GLB1: variants seen among roughly 807,000 people sequenced by gnomAD.
GLB1 encodes the protein galactosidase beta 1.
In GLB1, 56 loss-of-function variants were observed where a neutral mutation model predicts 74.0. That is an observed-to-expected ratio of 0.76 (90% confidence interval 0.61 to 0.94). The LOEUF is 0.94. Ranked by LOEUF, GLB1 falls within the 40% of genes least tolerant of loss-of-function variation. GLB1 has a pLI of 0.00. For synonymous variants in GLB1, 323 were observed against 323.6 expected, an observed-to-expected ratio of 1.00 and a Z score of 0.02; for missense variants, 787 against 845.5, an observed-to-expected ratio of 0.93 and a Z score of 0.86.
At chr3:33,018,281 G>T (rs1697318081) in intron 13 of GLB1, among the ~76,000 whole-genome samples, 167 bp downstream of exon 13, 3 of 69,640 alleles carry the variant, frequency 4.3e-5, no homozygotes, top group Non-Finnish European at 7.1e-5. Flanking sequence ...GCAAAACCCT[G>T]TCTCAAAAAA....
chr3:33,011,969 C>T (rs926955711), intron 15 of GLB1, among the ~76,000 whole-genome samples: 4 of 152,162 alleles, frequency 2.6e-5, no homozygotes, highest in Admixed American at 2.0e-4. Context: ...CTAAAACCAC[C>T]GAAGTGCTTC....
downstream of GLB1, among the ~76,000 whole-genome samples, chr3:32,996,242 ATCCTT>A (rs1215132425): frequency 6.6e-6 from 1 of 152,190 alleles, no homozygotes; most frequent in African/African-American, 2.4e-5. Flanking sequence ...GAAACACCAC[ATCCTT>A]TCCTATCTGT....
chr3:33,030,511 C>T, intron 10 of GLB1: 1 of 985,458 alleles, frequency 1.0e-6, no homozygotes, highest in Non-Finnish European at 1.2e-6. Context: ...CACTATACAT[C>T]AGCAAGAGAC....
At chr3:33,070,741 C>T (rs1186681840) in intron 2 of GLB1, among the ~76,000 whole-genome samples, 1 of 152,096 alleles carries the variant, frequency 6.6e-6, no homozygotes, top group Non-Finnish European at 1.5e-5. Context: ...CCCAACTACT[C>T]AGGAGGCTGA....
chr3:33,045,873 C>T, intron 10 of GLB1: 1 of 830,138 alleles, frequency 1.2e-6, no homozygotes, highest in Non-Finnish European at 1.7e-6. Flanking sequence ...TAGCATTTAA[C>T]ACTGTATTAT....
the GLB1 span, among the ~76,000 whole-genome samples, chr3:32,966,114 C>T: frequency 0.37 from 56,939 of 152,028 alleles, 10,995 homozygotes; most frequent in Middle Eastern, 0.48. Context: ...CCTAGTGGAG[C>T]TGTGAGAAGA....
intron 7 of GLB1, 39 bp from the exon 8 acceptor site, chr3:33,052,043 A>G: frequency 1.2e-6 from 2 of 1,610,004 alleles, no homozygotes; most frequent in African/African-American, 2.7e-5. Flanking sequence ...GGATAGACTT[A>G]TGACCTTCCA....
At chr3:33,078,036 C>T (rs777784979) in intron 1 of GLB1, among the ~76,000 whole-genome samples, 2 of 151,664 alleles carry the variant, frequency 1.3e-5, no homozygotes, top group Non-Finnish European at 2.9e-5. Context: ...GATAGTTTTT[C>T]CTTCAAGTCA....
At chr3:33,064,654 G>C (rs6785135) in intron 5 of GLB1, among the ~76,000 whole-genome samples, 22,327 of 150,588 alleles carry the variant, frequency 0.15, 1,788 homozygotes, top group Admixed American at 0.2. Context: ...GCATGCGCCT[G>C]TAATCCCAGC....
chr3:32,985,734 C>G, the GLB1 span, among the ~76,000 whole-genome samples: 1 of 152,100 alleles, frequency 6.6e-6, no homozygotes, highest in Non-Finnish European at 1.5e-5. Flanking sequence ...GAGATGGAGT[C>G]TCACTCTGTT....
At chr3:32,971,985 T>G in the GLB1 span, among the ~76,000 whole-genome samples, 2 of 152,068 alleles carry the variant, frequency 1.3e-5, no homozygotes, top group Non-Finnish European at 2.9e-5. Flanking sequence ...GATATCCAGT[T>G]TATGATAAAA....
chr3:33,039,426 G>A (rs1190917925), intron 10 of GLB1, among the ~76,000 whole-genome samples: 1 of 152,000 alleles, frequency 6.6e-6, no homozygotes, highest in Non-Finnish European at 1.5e-5. Flanking sequence ...TTTCAGCAGA[G>A]AACTGGAAAC....
chr3:33,091,620 A>G, intron 1 of GLB1: 2 of 984,320 alleles, frequency 2.0e-6, no homozygotes, highest in Non-Finnish European at 2.4e-6. Context: ...CCTCCTGACA[A>G]AACAATCTTG....
chr3:32,970,749 C>T, the GLB1 span, among the ~76,000 whole-genome samples: 1 of 152,132 alleles, frequency 6.6e-6, no homozygotes. Context: ...TCGCCCCACC[C>T]GAATAATCCT....
rs541304411 is a variant in GLB1, at chr3:33,053,650, G to A, written c.734-101C>T. 7.2e-5 allele frequency: 108 copies of A among 1,493,536 alleles called. No homozygotes were observed. In the African/African-American group the frequency reaches 1.2e-3, roughly 16 times the overall value. 92.5% of individuals were successfully genotyped at this position (1,493,536 alleles called of 1,614,324 possible). ...GACTCGGGCCTGAAGCCCTGCTACG[G>A]TCAGAATGTTAGTATCCCCCCAAAA... On this transcript the variant is annotated intron_variant, in intron 6 of 15. Transcript: ENST00000307363.
chr3:33,096,748 A>T (rs1701047641), intron 1 of GLB1: 8 of 1,306,530 alleles, frequency 6.1e-6, no homozygotes, highest in African/African-American at 1.6e-5. Context: ...ACAGATGGGG[A>T]AGTGGATCCA....
At position 33,068,285 on chromosome 3, in the gene GLB1, T is replaced by A. The variant is rs371195938; in HGVS notation, c.402A>T (p.Gly134=). The change falls in exon 4 of 16, where the codon GGA becomes GGT. Residue 134 remains glycine (G), a synonymous_variant. Transcript: ENST00000307363. ...PYICAEWEMG[G]LPAWLLEKES... ...CTTTCTCTAGCAGCCAAGCAGGTAA[T>A]CCTCCCTAGTTCAGGGAAAACAAGC... The A allele has an allele frequency of 1.3e-5, 21 of 1,613,880 alleles. No individual in the cohort carries two copies. The African/African-American group carries it at 2.7e-4, about 21-fold the overall frequency.
intron 4 of GLB1, among the ~76,000 whole-genome samples, chr3:33,065,769 A>G (rs1318325992): frequency 6.6e-6 from 1 of 152,134 alleles, no homozygotes; most frequent in Non-Finnish European, 1.5e-5. Flanking sequence ...GGAGTTCGAG[A>G]CCAGCCTGAC....
At chr3:33,076,115 C>G (rs957513295) in intron 1 of GLB1, among the ~76,000 whole-genome samples, 19 of 151,852 alleles carry the variant, frequency 1.3e-4, no homozygotes, top group Admixed American at 1.2e-3. Context: ...TTGGGAGGAA[C>G]CCAGACATTG....
Sources: allele counts gnomAD v4.1 joint callset (sites outside exome capture counted in the v4.1 genomes callset), GRCh38; gene constraint gnomAD v4.1.1; transcripts MANE v1.5; gene names NCBI Gene and HGNC (gene_info 2026-07-23, HGNC 2026-07-21).